The following RIT2 variants were observed in gnomAD, a reference collection of about 807,000 sequenced individuals.
The protein encoded by RIT2 is GTP-binding protein Rit2.
In RIT2, 24 loss-of-function variants were observed where a neutral mutation model predicts 23.7. The observed-to-expected ratio is 1.01, with a 90% CI of 0.73 to 1.43. The LOEUF (loss-of-function observed/expected upper bound fraction) is 1.43. Ranked by LOEUF, RIT2 falls within the 40% of genes most tolerant of loss-of-function variation. RIT2 has a pLI of 0.00. For missense variants in RIT2, 236 were observed against 266.9 expected (o/e 0.88, Z 0.81); for synonymous variants, 107 against 91.1 (o/e 1.17, Z -0.99).
chr18:42,889,580 C>A (rs1048945234), intron 4 of RIT2, among the ~76,000 whole-genome samples: 11 of 151,936 alleles, frequency 7.2e-5, no homozygotes, highest in Admixed American at 7.2e-4. Flanking sequence ...AAGAAAGAAG[C>A]CAGTTTCTAA....
At chr18:43,078,225 C>T (rs944536445) in intron 1 of RIT2, among the ~76,000 whole-genome samples, 2 of 152,144 alleles carry the variant, frequency 1.3e-5, no homozygotes, top group Non-Finnish European at 2.9e-5. Flanking sequence ...AATACTCTCG[C>T]ACTTGACAAT....
intron 2 of RIT2, among the ~76,000 whole-genome samples, chr18:43,029,183 T>C (rs1221249777): frequency 1.3e-5 from 2 of 152,086 alleles, no homozygotes; most frequent in African/African-American, 4.8e-5. Context: ...ATCGATTGCT[T>C]AGAAAGAATA....
chr18:42,835,712 A>G (rs1001264662), intron 4 of RIT2, among the ~76,000 whole-genome samples: 2 of 152,290 alleles, frequency 1.3e-5, no homozygotes, highest in East Asian at 3.9e-4. Flanking sequence ...GGCACCAGAT[A>G]CTTTCAGAAT....
intron 3 of RIT2, among the ~76,000 whole-genome samples, chr18:42,926,542 T>C (rs1470394545): frequency 6.6e-6 from 1 of 151,952 alleles, no homozygotes; most frequent in African/African-American, 2.4e-5. Flanking sequence ...AAATATACCA[T>C]AATGAATGAC....
chr18:42,982,088 A>G (rs1205514514), intron 2 of RIT2, among the ~76,000 whole-genome samples: 1 of 152,172 alleles, frequency 6.6e-6, no homozygotes, highest in Non-Finnish European at 1.5e-5. Flanking sequence ...CAGATGTACA[A>G]AAAGGACTTC....
intron 4 of RIT2, among the ~76,000 whole-genome samples, chr18:42,863,246 T>G (rs545509097): frequency 6.6e-6 from 1 of 152,308 alleles, no homozygotes. Flanking sequence ...CAAGCATATC[T>G]AATTTGGCAG....
At chr18:43,038,148 T>A (rs533301462) in intron 1 of RIT2, among the ~76,000 whole-genome samples, 1 of 139,742 alleles carries the variant, frequency 7.2e-6, no homozygotes, top group South Asian at 2.2e-4. Context: ...GAGCTTGCAG[T>A]GAGAAGAGAT....
chr18:42,919,576 T>C (rs1909001329), intron 4 of RIT2, among the ~76,000 whole-genome samples: 1 of 152,026 alleles, frequency 6.6e-6, no homozygotes, highest in Non-Finnish European at 1.5e-5. Context: ...TAGCTGGGCA[T>C]GATGGTGGGC....
chr18:43,075,457 T>TA (rs1912992105), intron 1 of RIT2, among the ~76,000 whole-genome samples: 2 of 152,166 alleles, frequency 1.3e-5, no homozygotes, highest in Non-Finnish European at 2.9e-5. Flanking sequence ...ATCTTAATGT[T>TA]TAATTAGTTT....
chr18:43,052,759 A>T (rs987358381), intron 1 of RIT2, among the ~76,000 whole-genome samples: 1 of 152,006 alleles, frequency 6.6e-6, no homozygotes, highest in African/African-American at 2.4e-5. Context: ...ATGACATCTA[A>T]TTACCTTAAG....
intron 1 of RIT2, among the ~76,000 whole-genome samples, chr18:43,060,820 T>C (rs1303553660): frequency 2.0e-5 from 3 of 152,120 alleles, no homozygotes; most frequent in East Asian, 3.9e-4. Context: ...CGGCCCTTAT[T>C]TGGCTCTGTT....
intron 4 of RIT2, among the ~76,000 whole-genome samples, chr18:42,796,054 A>C (rs1453667207): frequency 6.6e-6 from 1 of 152,286 alleles, no homozygotes; most frequent in Non-Finnish European, 1.5e-5. Flanking sequence ...TGCCCTAGCC[A>C]GCAGTGGCAA....
intron 3 of RIT2, among the ~76,000 whole-genome samples, chr18:42,940,019 T>C (rs1435309770): frequency 2.0e-5 from 3 of 151,738 alleles, no homozygotes; most frequent in African/African-American, 7.3e-5. Context: ...AGATTAACAC[T>C]CTGAAAAGAA....
chr18:42,882,253 C>T (rs1457953418), intron 4 of RIT2, among the ~76,000 whole-genome samples: 1 of 152,226 alleles, frequency 6.6e-6, no homozygotes, highest in African/African-American at 2.4e-5. Context: ...ATTCCTTCCT[C>T]ATATGACATC....
intron 4 of RIT2, among the ~76,000 whole-genome samples, chr18:42,879,004 G>A (rs1355824160): frequency 6.6e-6 from 1 of 151,840 alleles, no homozygotes; most frequent in Non-Finnish European, 1.5e-5. Context: ...ATGTTTCTAT[G>A]TACTTACCAC....
chr18:42,856,825 C>CTTTTTTTTT lies in RIT2; in HGVS notation c.426+66746_426+66747insAAAAAAAAA, dbSNP rs760595125. Reference sequence around the variant, plus strand: ...AGAAGTCTTTTTCTTTTCTCTCTCTCTCTTTTTTTTTTTTTTTTTTTTGAG... The same window carrying CTTTTTTTTT: ...AGAAGTCTTTTTCTTTTCTCTCTCTCTTTTTTTTTTCTTTTTTTTTTTTTTTTTTTTGAG... On this transcript the variant is annotated intron_variant, in intron 4 of 4. Coordinates refer to ENST00000326695, the MANE Select transcript of RIT2 (RefSeq NM_002930.4). 8.7e-4 allele frequency among the ~76,000 whole-genome samples: 111 copies of CTTTTTTTTT among 127,946 alleles called. 4 individuals carry two copies. The highest frequency in any genetic ancestry group is 3.4e-3 in the African/African-American group (104 of 30,784). The allele number at this position is 127,946 out of a possible 152,430, so 83.9% of individuals were successfully genotyped here. A position where few individuals can be genotyped will look rare whatever the true frequency, so the allele number is the denominator to read the frequency against.
At chr18:42,975,762 C>T (rs1003375714) in intron 2 of RIT2, among the ~76,000 whole-genome samples, 2 of 151,958 alleles carry the variant, frequency 1.3e-5, no homozygotes, top group African/African-American at 4.8e-5. Flanking sequence ...TCCCAAACTC[C>T]CACCATGTTC....
intron 4 of RIT2, among the ~76,000 whole-genome samples, chr18:42,850,963 C>T (rs1276259573): frequency 1.3e-5 from 2 of 152,164 alleles, no homozygotes; most frequent in Non-Finnish European, 2.9e-5. Context: ...AGGCCGGGAA[C>T]CAGATGTTAT....
At chr18:42,854,223 T>C (rs1907126549) in intron 4 of RIT2, among the ~76,000 whole-genome samples, 1 of 152,196 alleles carries the variant, frequency 6.6e-6, no homozygotes, top group Admixed American at 6.5e-5. Context: ...TATAGTTTTA[T>C]TACTTAATAT....
Sources: allele counts gnomAD v4.1 joint callset (sites outside exome capture counted in the v4.1 genomes callset), GRCh38; gene constraint gnomAD v4.1.1; transcripts MANE v1.5; gene names NCBI Gene and HGNC (gene_info 2026-07-23, HGNC 2026-07-21).